Variants in UBR1 observed in about 807,000 individuals in gnomAD.
The protein encoded by UBR1 is E3 ubiquitin-protein ligase UBR1.
UBR1 carries 102 observed loss-of-function variants against 242.1 expected under a neutral mutation model. That is an observed-to-expected ratio of 0.42 (90% CI 0.36 to 0.50). The LOEUF (loss-of-function observed/expected upper bound fraction) is 0.50. Ranked by LOEUF, UBR1 falls within the 20% of genes least tolerant of loss-of-function variation. The probability of loss-of-function intolerance (pLI) is 0.01; values close to 1 mark genes in which losing one functional copy is unlikely to be tolerated. For synonymous variants in UBR1, 675 were observed against 684.8 expected (o/e 0.99, Z 0.22); for missense variants, 1,772 against 2,101.8 (o/e 0.84, Z 3.07).
At chr15:43,063,000 T>C (rs1439584479) in intron 6 of UBR1, among the ~76,000 whole-genome samples, 1 of 152,230 alleles carries the variant, frequency 6.6e-6, no homozygotes, top group Admixed American at 6.5e-5. Context: ...CTTTAAGGGT[T>C]TGTAAAACAG....
At chr15:42,969,243 T>C (rs1879731205) in intron 40 of UBR1, among the ~76,000 whole-genome samples, 1 of 152,234 alleles carries the variant, frequency 6.6e-6, no homozygotes, top group East Asian at 1.9e-4. Flanking sequence ...CATTGTGCTT[T>C]TGAGTTGCAT....
Position 42,970,707 on chromosome 15 carries a change from A to G in UBR1, c.4370-100T>C, listed in dbSNP as rs1427118530. 3.7e-6 allele frequency: 4 copies of G among 1,084,396 alleles called. No individual in the cohort carries two copies. In the South Asian group the frequency reaches 4.0e-5, roughly 11 times the overall value. The allele number at this position is 1,084,396 out of a possible 1,614,324, so 67.2% of individuals were successfully genotyped here. A position where few individuals can be genotyped will look rare whatever the true frequency, so the allele number is the denominator to read the frequency against. Reference sequence around the variant, plus strand: ...CCAAGACAATAAACAACGTAGATTCATTCAACTGAGGTTCTTTCCTTTTTT... The same window carrying G: ...CCAAGACAATAAACAACGTAGATTCGTTCAACTGAGGTTCTTTCCTTTTTT... On this transcript the variant is annotated intron_variant, in intron 39 of 46. Transcript: ENST00000290650.
At chr15:43,052,202 G>A (rs2033565657) in intron 12 of UBR1, among the ~76,000 whole-genome samples, 1 of 152,090 alleles carries the variant, frequency 6.6e-6, no homozygotes, top group African/African-American at 2.4e-5. Flanking sequence ...CAGTAGAGAA[G>A]GACAATGATT....
chr15:43,048,412 T>C lies in UBR1; in HGVS notation c.1519A>G (p.Lys507Glu). ...CATACCTGCATACAGGTAAGAATCT[T>C]CAAAAAAGATCGAAAACCTTCAAGG... ...QFLEGFRSFL[K>E]ILTCMQGMEE... is the part of the protein sequence containing the mutation. Residue 507 changes from lysine (K) to glutamate (E), a missense_variant, in exon 13 of 47, where the codon AAG becomes GAG. This residue lies in a region of UBR1 where 734 missense variants were observed against 893.3 expected (regional missense o/e 0.82). Coordinates refer to ENST00000290650, the MANE Select transcript of UBR1 (RefSeq NM_174916.3). 1 of 1,613,364 alleles carries C rather than the reference T, an allele frequency of 6.2e-7. No homozygotes were observed. Among genetic ancestry groups the C allele is most frequent in the Non-Finnish European group, 8.5e-7 (1 of 1,179,752 alleles).
intron 29 of UBR1, among the ~76,000 whole-genome samples, chr15:43,011,044 G>A (rs774714381): frequency 8.6e-5 from 13 of 151,738 alleles, no homozygotes; most frequent in Admixed American, 3.3e-4. Flanking sequence ...GTGGTGACAC[G>A]CCCATAGTCC....
chr15:42,949,446 A>T (rs996395571), intron 46 of UBR1, among the ~76,000 whole-genome samples: 7 of 37,794 alleles, frequency 1.9e-4, no homozygotes, highest in Admixed American at 6.4e-4. Flanking sequence ...AAAATAAAAT[A>T]AAAAAAAAAT....
chr15:43,070,580 C>T lies in UBR1; in HGVS notation c.659+215G>A, dbSNP rs543933284. On this transcript the variant is annotated intron_variant, in intron 5 of 46. Transcript: ENST00000290650. ...ATTTTTTTTCCGTAAAAATTCAAAG[C>T]TCCTGATACACTACTCTTTTGGCTT... 6.6e-5 allele frequency among the ~76,000 whole-genome samples: 10 copies of T among 152,274 alleles called. No individual in the cohort carries two copies. In the East Asian group the frequency reaches 1.9e-3, roughly 29 times the overall value.
intron 33 of UBR1, among the ~76,000 whole-genome samples, chr15:42,993,317 G>A (rs954672062): frequency 6.7e-6 from 1 of 150,126 alleles, no homozygotes; most frequent in East Asian, 2.0e-4. Context: ...TGGTTTTTTT[G>A]TATCCTGTGA....
chr15:43,006,527 C>T (rs1349250188), intron 30 of UBR1, among the ~76,000 whole-genome samples: 2 of 152,196 alleles, frequency 1.3e-5, no homozygotes, highest in Non-Finnish European at 2.9e-5. Flanking sequence ...ACACCGGCTT[C>T]CCAAAGTGCT....
At chr15:43,034,488 G>A (rs1446447277) in intron 19 of UBR1, among the ~76,000 whole-genome samples, 1 of 151,816 alleles carries the variant, frequency 6.6e-6, no homozygotes, top group Non-Finnish European at 1.5e-5. Flanking sequence ...TTACCTCTGA[G>A]ACAACAAAGA....
chr15:43,013,275 A>G (rs1010161656), intron 29 of UBR1, among the ~76,000 whole-genome samples: 1 of 152,182 alleles, frequency 6.6e-6, no homozygotes, highest in African/African-American at 2.4e-5. Context: ...TACTTTCAAT[A>G]TTTTAAATTT....
chr15:43,067,861 A>G, intron 6 of UBR1, 37 bp downstream of exon 6: 1 of 1,613,752 alleles, frequency 6.2e-7, no homozygotes, highest in Non-Finnish European at 8.5e-7. Flanking sequence ...GGAAGCTGAC[A>G]GAAAACAGAA....
chr15:43,011,925 G>A, intron 29 of UBR1: 1 of 453,500 alleles, frequency 2.2e-6, no homozygotes, highest in Admixed American at 2.4e-5. Flanking sequence ...CATAAACAAT[G>A]ATGTAGAATC....
chr15:43,017,293 T>A, intron 27 of UBR1, 112 bp from the exon 28 acceptor site: 1 of 751,486 alleles, frequency 1.3e-6, no homozygotes, highest in East Asian at 2.7e-5. Flanking sequence ...GTCTTTCACT[T>A]AAACTATTTC....
chr15:43,096,229 A>G (rs2034158622), intron 1 of UBR1, among the ~76,000 whole-genome samples: 1 of 149,008 alleles, frequency 6.7e-6, no homozygotes, highest in Admixed American at 6.7e-5. Context: ...ACTGGAGTGC[A>G]GTGGCACGAT....
At position 42,976,696 on chromosome 15, in the gene UBR1, A is replaced by G. The variant is rs370461552; in HGVS notation, c.4369+21T>C. 19 of 1,613,862 alleles carry G rather than the reference A, an allele frequency of 1.2e-5. No individual in the cohort carries two copies. The African/African-American group carries it at 2.3e-4, about 19-fold the overall frequency. On this transcript the variant is annotated intron_variant, in intron 39 of 46. Transcript: ENST00000290650. ...CATGGCAAAATGTTATTCACAGTCA[A>G]CACCCAGATGAAAACCTTACCTGTG...
chr15:42,976,999 T>C, intron 38 of UBR1, 132 bp from the exon 39 acceptor site: 1 of 1,036,076 alleles, frequency 9.7e-7, no homozygotes, highest in East Asian at 2.6e-5. Context: ...AAACCATATT[T>C]TTCTTATTTA....
intron 12 of UBR1, among the ~76,000 whole-genome samples, chr15:43,052,136 G>C (rs1432910532): frequency 4.6e-5 from 7 of 152,272 alleles, no homozygotes; most frequent in Admixed American, 6.5e-5. Flanking sequence ...ATCTCAGTTG[G>C]AGTACTGTGT....
intron 1 of UBR1, chr15:43,091,906 CAAAAAAAAA>C (rs58586323): frequency 7.4e-4 from 133 of 180,284 alleles, no homozygotes; most frequent in Admixed American, 3.7e-3. Flanking sequence ...TACACCATCT[CAAAAAAAAA>C]AAAAAAAAAA....
Sources: allele counts gnomAD v4.1 joint callset (sites outside exome capture counted in the v4.1 genomes callset), GRCh38; gene constraint gnomAD v4.1.1; regional missense constraint gnomAD v4.1.1; transcripts MANE v1.5; gene names NCBI Gene and HGNC (gene_info 2026-07-23, HGNC 2026-07-21).